The following GP1BA variants were observed in gnomAD, a reference collection of about 807,000 sequenced individuals.
GP1BA encodes the protein glycoprotein Ib platelet subunit alpha.
GP1BA carries 3 observed loss-of-function variants against 5.6 expected under a neutral mutation model. The ratio of observed to expected loss-of-function variants is 0.53; its 90% confidence interval spans 0.24 to 1.38. The LOEUF is 1.38. Among genes scored for constraint, GP1BA ranks in the 40% most tolerant of loss-of-function variants. GP1BA has a pLI of 0.16. For missense variants in GP1BA, 707 were observed against 801.4 expected (o/e 0.88, Z 1.42); for synonymous variants, 323 against 358.3 (o/e 0.90, Z 1.11).
chr17:4,934,211 T>C lies in GP1BA; in HGVS notation c.1607T>C (p.Leu536Ser), dbSNP rs1261551982. The C allele has an allele frequency of 8.7e-6, 14 of 1,613,614 alleles. No individual in the cohort carries two copies. Among genetic ancestry groups the C allele is most frequent in the Non-Finnish European group, 1.1e-5 (13 of 1,179,746 alleles). ...CTCCTCCCCCTGGGCTTCTATGTCT[T>C]GGGTCTCTTCTGGCTGCTCTTTGCC... The part of the protein sequence containing the change: ...CCLLPLGFYV[L>S]GLFWLLFASV... The change falls in exon 2 of 2, where the codon TTG becomes TCG. Residue 536 changes from leucine (L) to serine (S), a missense_variant. By Grantham distance (145) the Leu-to-Ser change is moderately radical. This residue lies in a region of GP1BA where 247 missense variants were observed against 246.6 expected (regional missense o/e 1.00). Transcript: ENST00000329125.
rs1379888918 is a variant in GP1BA at position 4,934,926 on chromosome 17, A to G, written c.*363A>G. 1.7e-5 allele frequency: 5 copies of G among 300,544 alleles called. No homozygotes were observed. The East Asian group carries it at 3.2e-4, about 19-fold the overall frequency. The allele number at this position is 300,544 out of a possible 1,614,324, so 18.6% of individuals were successfully genotyped here. A position where few individuals can be genotyped will look rare whatever the true frequency, so the allele number is the denominator to read the frequency against. On this transcript the variant is annotated 3_prime_UTR_variant, in exon 2 of 2. Coordinates refer to ENST00000329125, the MANE Select transcript of GP1BA (RefSeq NM_000173.7). ...TGAGCACTCGTTGTGTCTGGATGTT[A>G]CAAATATGGGTGGTTTTATTTTCTT...
rs950972361 is a variant in GP1BA, at chr17:4,934,796, T to C, written c.*233T>C. 10 of 597,690 alleles carry C rather than the reference T, an allele frequency of 1.7e-5. No individual in the cohort carries two copies. The highest frequency in any genetic ancestry group is 3.1e-5 in the Non-Finnish European group (10 of 327,128). 37.0% of individuals were successfully genotyped at this position (597,690 alleles called of 1,614,324 possible). ...ACAAGACAAAGCTCCCGATGCTGCA[T>C]GGGGCGCTGCCAGATCTCACGGTGA... is the stretch of plus-strand genomic sequence containing the variant. On this transcript the variant is annotated 3_prime_UTR_variant, in exon 2 of 2. Transcript: ENST00000329125.
In GP1BA at chr17:4,933,042, C is replaced by A. The variant is rs866284549; in HGVS notation, c.438C>A (p.Tyr146Ter). The change falls in exon 2 of 2, where the codon TAC (tyrosine) becomes TAA (stop). Residue 146 changes from tyrosine (Y) to a stop codon, truncating the protein, a stop_gained. Coordinates refer to ENST00000329125, the MANE Select transcript of GP1BA (RefSeq NM_000173.7). LOFTEE classifies it low-confidence loss of function (END_TRUNC). ...GTCTTGGCGAACTCCAAGAGCTCTA[C>A]CTGAAAGGCAATGAGCTGAAGACCC... ...LRGLGELQEL[Y>*]LKGNELKTLP... is the part of the protein sequence containing the mutation. 5.6e-6 allele frequency: 9 copies of A among 1,614,002 alleles called. No individual in the cohort carries two copies. Among genetic ancestry groups the A allele is most frequent in the Non-Finnish European group, 7.6e-6 (9 of 1,179,886 alleles).
At position 4,933,873 on chromosome 17, in the gene GP1BA, C is replaced by T. The variant is rs760386973; in HGVS notation, c.1269C>T (p.Thr423=). 2 of 1,337,200 alleles carry T rather than the reference C, an allele frequency of 1.5e-6. No homozygotes were observed. The highest frequency in any genetic ancestry group is 5.4e-5 in the East Asian group (1 of 18,480). The allele number at this position is 1,337,200 out of a possible 1,614,324, so 82.8% of individuals were successfully genotyped here. Reference sequence around the variant, plus strand: ...CAGAGCCCGCCCCCAGCCCGACCACCCCGGAGCCCACCTCAGAGCCCGCCC... The same window carrying T: ...CAGAGCCCGCCCCCAGCCCGACCACTCCGGAGCCCACCTCAGAGCCCGCCC... ...PTSEPAPSPT[T]PEPTSEPAPS... is the part of the protein sequence containing the mutation. The change falls in exon 2 of 2, where the codon ACC becomes ACT. Residue 423 remains threonine (T), a synonymous_variant. Coordinates refer to ENST00000329125, the MANE Select transcript of GP1BA (RefSeq NM_000173.7).
rs1201586391 is a variant in GP1BA, at chr17:4,933,646, TC to T, written c.1044del (p.Thr349LeufsTer51). The T allele has an allele frequency of 1.2e-6, 2 of 1,613,684 alleles. No individual in the cohort carries two copies. Among genetic ancestry groups the T allele is most frequent in the African/African-American group, 2.7e-5 (2 of 74,834 alleles). On this transcript the variant is annotated frameshift_variant, in exon 2 of 2. Transcript: ENST00000329125. LOFTEE classifies it low-confidence loss of function (END_TRUNC). The stretch of plus-strand genomic sequence containing the variant: ...CTCCTCCTTGCATCCAACACAAGAA[TC>T]CACTAAGGAGCAGACCACATTCCCA... ...MPSSLHPTQESTKEQTTFPPR... is the reference protein window; with the variant it reads ...MPSSLHPTQEXTKEQTTFPPR...
rs759573909 is a variant in GP1BA at position 4,934,077 on chromosome 17, CA to C, written c.1480del (p.Thr494ProfsTer59). 5 of 1,613,656 alleles carry C rather than the reference CA, an allele frequency of 3.1e-6. No individual in the cohort carries two copies. The East Asian group carries it at 1.1e-4, about 36-fold the overall frequency. On this transcript the variant is annotated frameshift_variant, in exon 2 of 2. Coordinates refer to ENST00000329125, the MANE Select transcript of GP1BA (RefSeq NM_000173.7). LOFTEE classifies it low-confidence loss of function (END_TRUNC). ...TKPVSLLEST[K>X]KTIPELDQPP... ...AACCCGTATCACTCTTAGAATCCAC[CA>C]AAAAAACCATCCCTGAACTTGATCA... is the stretch of plus-strand genomic sequence containing the variant.
At position 4,934,193 on chromosome 17, in the gene GP1BA, C is replaced by A. The variant is rs780097404; in HGVS notation, c.1589C>A (p.Pro530His). 1.9e-6 allele frequency: 3 copies of A among 1,613,790 alleles called. No homozygotes were observed. In the South Asian group the frequency reaches 3.3e-5, roughly 18 times the overall value. The change falls in exon 2 of 2, where the codon CCC becomes CAC. Residue 530 changes from proline to histidine, a missense_variant. Transcript: ENST00000329125. ...CACCCCGACTTTTGCTGCCTCCTCC[C>A]CCTGGGCTTCTATGTCTTGGGTCTC... is the stretch of plus-strand genomic sequence containing the variant. ...FLHPDFCCLLPLGFYVLGLFW... is the reference protein window; with the variant it reads ...FLHPDFCCLLHLGFYVLGLFW...
rs974535671 is a variant in GP1BA at position 4,932,640 on chromosome 17, C to A, written c.36C>A (p.Ser12Arg). 6.2e-6 allele frequency: 10 copies of A among 1,613,704 alleles called. No homozygotes were observed. In the Admixed American group the frequency reaches 6.7e-5, roughly 11 times the overall value. Residue 12 changes from serine (S) to arginine (R), a missense_variant, in exon 2 of 2, where the codon AGC becomes AGA. By Grantham distance (110) the Ser-to-Arg change is moderately radical. Around this residue, in one of 3 missense-constraint regions of GP1BA, gnomAD observed 442 missense variants for 498.8 expected, o/e 0.89. Coordinates refer to ENST00000329125, the MANE Select transcript of GP1BA (RefSeq NM_000173.7). This position sits in a 1 kb window ranked among gnomAD's most constrained non-coding sequence, Gnocchi z 4.8. The part of the protein sequence containing the change: ...PLLLLLLLLP[S>R]PLHPHPICEV... The stretch of plus-strand genomic sequence containing the variant: ...TCCTCTTGCTGCTCCTGCTGCCAAG[C>A]CCCTTACACCCCCACCCCATCTGTG...
Position 4,933,845 on chromosome 17 carries a change from C to A in GP1BA, c.1241C>A (p.Thr414Asn), listed in dbSNP as rs867587437. 6.9e-7 allele frequency: 1 copy of A among 1,452,540 alleles called. No homozygotes were observed. The highest frequency in any genetic ancestry group is 1.9e-5 in the Admixed American group (1 of 51,534). The allele number at this position is 1,452,540 out of a possible 1,614,324, so 90.0% of individuals were successfully genotyped here. A position where few individuals can be genotyped will look rare whatever the true frequency, so the allele number is the denominator to read the frequency against. The change falls in exon 2 of 2, where the codon ACC (threonine) becomes AAC (asparagine). Residue 414 changes from threonine to asparagine, a missense_variant. Coordinates refer to ENST00000329125, the MANE Select transcript of GP1BA (RefSeq NM_000173.7). ...CCAAGCCCGACCACCCCAGAGCCCACCTCAGAGCCCGCCCCCAGCCCGACC... is the reference window on the plus strand; with the variant it reads ...CCAAGCCCGACCACCCCAGAGCCCAACTCAGAGCCCGCCCCCAGCCCGACC... ...PTPSPTTPEP[T>N]SEPAPSPTTP... is the part of the protein sequence containing the mutation.
At position 4,934,635 on chromosome 17, in the gene GP1BA, G is replaced by C; in HGVS notation, c.*72G>C. On this transcript the variant is annotated 3_prime_UTR_variant, in exon 2 of 2. Transcript: ENST00000329125. ...TATTGGAATCTAGTTGGGGGTTGGAGGGGTAAGGAACACAGGGTGATAGGG... is the reference window on the plus strand; with the variant it reads ...TATTGGAATCTAGTTGGGGGTTGGACGGGTAAGGAACACAGGGTGATAGGG... The C allele has an allele frequency of 1.3e-6, 2 of 1,501,890 alleles. No homozygotes were observed. The highest frequency in any genetic ancestry group is 1.8e-6 in the Non-Finnish European group (2 of 1,108,462). 93.0% of individuals were successfully genotyped at this position (1,501,890 alleles called of 1,614,324 possible).
In GP1BA at chr17:4,933,143, C is replaced by T. The variant is rs1970368135; in HGVS notation, c.539C>T (p.Pro180Leu). ...SLANNNLTEL[P>L]AGLLNGLENL... The stretch of plus-strand genomic sequence containing the variant: ...GCTAACAACAACTTGACTGAGCTCC[C>T]CGCTGGGCTCCTGAATGGGCTGGAG... Residue 180 changes from proline to leucine, a missense_variant, in exon 2 of 2, where the codon CCC becomes CTC. Coordinates refer to ENST00000329125, the MANE Select transcript of GP1BA (RefSeq NM_000173.7). 1 of 1,613,800 alleles carries T rather than the reference C, an allele frequency of 6.2e-7. No homozygotes were observed. Among genetic ancestry groups the T allele is most frequent in the African/African-American group, 1.3e-5 (1 of 74,924 alleles).
rs757202817 is a variant in GP1BA at position 4,932,571 on chromosome 17, G to T, written c.-6-28G>T. On this transcript the variant is annotated intron_variant, in intron 1 of 1. Coordinates refer to ENST00000329125, the MANE Select transcript of GP1BA (RefSeq NM_000173.7). The surrounding 1 kb of genome is among the most constrained non-coding windows in gnomAD (Gnocchi z 4.8). The stretch of plus-strand genomic sequence containing the variant: ...GGGATGCTTCCAGGGGATGCAGGGG[G>T]ATCCACTCAAGGCTCCCTTGCCCAC... 1.4e-5 allele frequency: 22 copies of T among 1,595,234 alleles called. No individual in the cohort carries two copies. Among genetic ancestry groups the T allele is most frequent in the Non-Finnish European group, 1.7e-5 (20 of 1,168,172 alleles).
chr17:4,932,748 C>G lies in GP1BA; in HGVS notation c.144C>G (p.Asp48Glu), dbSNP rs1043841849. The G allele has an allele frequency of 1.2e-6, 2 of 1,614,026 alleles. No individual in the cohort carries two copies. Among genetic ancestry groups the G allele is most frequent in the African/African-American group, 2.7e-5 (2 of 75,044 alleles). ...CGCTGCCTCCAGACCTGCCGAAAGA[C>G]ACAACCATCCTCCACCTGAGTGAGA... The part of the protein sequence containing the change: ...LTALPPDLPK[D>E]TTILHLSENL... The change falls in exon 2 of 2, where the codon GAC (aspartate) becomes GAG (glutamate). Residue 48 changes from aspartate (D) to glutamate (E), a missense_variant. By Grantham distance (45) the Asp-to-Glu change is conservative. This residue lies in a region of GP1BA where 442 missense variants were observed against 498.8 expected (regional missense o/e 0.89). Transcript: ENST00000329125. The surrounding 1 kb of genome is among the most constrained non-coding windows in gnomAD (Gnocchi z 4.8).
Position 4,934,408 on chromosome 17 carries a change from C to T in GP1BA, c.1804C>T (p.Leu602Phe). The T allele has an allele frequency of 6.2e-7, 1 of 1,614,070 alleles. No homozygotes were observed. The highest frequency in any genetic ancestry group is 8.5e-7 in the Non-Finnish European group (1 of 1,179,908). The change falls in exon 2 of 2, where the codon CTT (leucine) becomes TTT (phenylalanine). Residue 602 changes from leucine to phenylalanine, a missense_variant. Physicochemically the swap from Leu to Phe is conservative, Grantham distance 22. Coordinates refer to ENST00000329125, the MANE Select transcript of GP1BA (RefSeq NM_000173.7). ...CTGGCTGCTCTTCCTTCGAGGTTCG[C>T]TTCCCACTTTCCGCTCCAGCCTCTT... Reference protein sequence around the residue: ...RAWLLFLRGSLPTFRSSLFLW... With the variant: ...RAWLLFLRGSFPTFRSSLFLW...
In GP1BA at chr17:4,933,888, AGAG is replaced by A; in HGVS notation, c.1285_1287del (p.Glu429del). 1 of 785,220 alleles carries A rather than the reference AGAG, an allele frequency of 1.3e-6. No individual in the cohort carries two copies. The highest frequency in any genetic ancestry group is 1.5e-6 in the Non-Finnish European group (1 of 672,208). 48.6% of individuals were successfully genotyped at this position (785,220 alleles called of 1,614,324 possible). A position where few individuals can be genotyped will look rare whatever the true frequency, so the allele number is the denominator to read the frequency against. ...GCCCGACCACCCCGGAGCCCACCTC[AGAG>A]CCCGCCCCCAGCCCGACCACCCCAG... On this transcript the variant is annotated inframe_deletion, in exon 2 of 2. Coordinates refer to ENST00000329125, the MANE Select transcript of GP1BA (RefSeq NM_000173.7).
chr17:4,933,976 A>G lies in GP1BA; in HGVS notation c.1372A>G (p.Ile458Val). The G allele has an allele frequency of 6.7e-7, 1 of 1,499,040 alleles. No individual in the cohort carries two copies. Among genetic ancestry groups the G allele is most frequent in the Non-Finnish European group, 9.0e-7 (1 of 1,115,054 alleles). The allele number at this position is 1,499,040 out of a possible 1,614,324, so 92.9% of individuals were successfully genotyped here. ...CCCGGAGCCCACCCCAATCCCGACCATCGCCACAAGCCCGACCATCCTGGT... is the reference window on the plus strand; with the variant it reads ...CCCGGAGCCCACCCCAATCCCGACCGTCGCCACAAGCCCGACCATCCTGGT... Reference protein sequence around the residue: ...TTPEPTPIPTIATSPTILVSA... With the variant: ...TTPEPTPIPTVATSPTILVSA... Residue 458 changes from isoleucine (I) to valine (V), a missense_variant, in exon 2 of 2, where the codon ATC (isoleucine) becomes GTC (valine). This residue lies in a region of GP1BA where 247 missense variants were observed against 246.6 expected (regional missense o/e 1.00). Transcript: ENST00000329125.
Position 4,934,446 on chromosome 17 carries a change from GC to G in GP1BA, c.1844del (p.Pro615LeufsTer8). ...FRSSLFLWVRPNGRVGPLVAG... is the reference protein window; with the variant it reads ...FRSSLFLWVRXNGRVGPLVAG... ...GCTCCAGCCTCTTCCTGTGGGTACG[GC>G]CTAATGGCCGTGTGGGGCCTCTAGT... On this transcript the variant is annotated frameshift_variant, in exon 2 of 2. Transcript: ENST00000329125. LOFTEE classifies it high-confidence loss of function. 3 of 1,614,036 alleles carry G rather than the reference GC, an allele frequency of 1.9e-6. No individual in the cohort carries two copies. Among genetic ancestry groups the G allele is most frequent in the Non-Finnish European group, 2.5e-6 (3 of 1,179,908 alleles).
At position 4,933,136 on chromosome 17, in the gene GP1BA, G is replaced by T; in HGVS notation, c.532G>T (p.Glu178Ter). ...CAGTCTGGCTAACAACAACTTGACT[G>T]AGCTCCCCGCTGGGCTCCTGAATGG... is the stretch of plus-strand genomic sequence containing the variant. ...KLSLANNNLT[E>*]LPAGLLNGLE... The change falls in exon 2 of 2, where the codon GAG becomes TAG. Residue 178 changes from glutamate (E) to a stop codon, truncating the protein, a stop_gained. Coordinates refer to ENST00000329125, the MANE Select transcript of GP1BA (RefSeq NM_000173.7). LOFTEE classifies it low-confidence loss of function (END_TRUNC). 1 of 1,613,930 alleles carries T rather than the reference G, an allele frequency of 6.2e-7. No homozygotes were observed. The highest frequency in any genetic ancestry group is 8.5e-7 in the Non-Finnish European group (1 of 1,179,814).
Position 4,932,925 on chromosome 17 carries a change from C to G in GP1BA, c.321C>G (p.Ser107Arg), listed in dbSNP as rs776888187. ...ATCTATCCCACAATCAGCTGCAAAG[C>G]CTGCCCTTGCTAGGGCAGACACTGC... Reference protein sequence around the residue: ...TLDLSHNQLQSLPLLGQTLPA... With the variant: ...TLDLSHNQLQRLPLLGQTLPA... The change falls in exon 2 of 2, where the codon AGC becomes AGG. Residue 107 changes from serine to arginine, a missense_variant. Coordinates refer to ENST00000329125, the MANE Select transcript of GP1BA (RefSeq NM_000173.7). This position sits in a 1 kb window ranked among gnomAD's most constrained non-coding sequence, Gnocchi z 4.8. The G allele has an allele frequency of 3.7e-6, 6 of 1,613,800 alleles. No individual in the cohort carries two copies. The highest frequency in any genetic ancestry group is 5.1e-6 in the Non-Finnish European group (6 of 1,179,836).
Sources: gnomAD v4.1 joint callset for allele counts on GRCh38, gnomAD v4.1.1 for gene constraint, gnomAD v4.1.1 regional missense constraint, Gnocchi (gnomAD v3.1) non-coding constraint, MANE v1.5 for transcripts, NCBI Gene and HGNC (gene_info 2026-07-23, HGNC 2026-07-21) for gene names.